NMNAT2: variants seen among roughly 807,000 people sequenced by gnomAD.
NMNAT2 encodes the protein nicotinamide/nicotinic acid mononucleotide adenylyltransferase 2.
A neutral mutation model predicts 41.6 loss-of-function variants in NMNAT2; 11 were observed. That is an observed-to-expected ratio of 0.26 (90% CI 0.17 to 0.44). NMNAT2 has a LOEUF of 0.44. NMNAT2 is among the 20% of genes least tolerant of loss of function. The pLI is 1.00. For missense variants in NMNAT2, 288 were observed against 407.7 expected, an observed-to-expected ratio of 0.71 and a Z score of 2.53; for synonymous variants, 148 against 151.2, an observed-to-expected ratio of 0.98 and a Z score of 0.16.
At chr1:183,317,235 A>G (rs535066629) in intron 1 of NMNAT2, among the ~76,000 whole-genome samples, 1 of 152,190 alleles carries the variant, frequency 6.6e-6, no homozygotes, top group South Asian at 2.1e-4. Flanking sequence ...ATCCCCCCGT[A>G]TTTCAGCCCA....
intron 1 of NMNAT2, among the ~76,000 whole-genome samples, chr1:183,356,277 A>C (rs1184249076): frequency 6.6e-6 from 1 of 152,150 alleles, no homozygotes; most frequent in Non-Finnish European, 1.5e-5. Flanking sequence ...GTAAACAGAC[A>C]CCTCGTTCAT....
At chr1:183,308,260 C>T (rs771305508) in intron 1 of NMNAT2, among the ~76,000 whole-genome samples, 6 of 152,162 alleles carry the variant, frequency 3.9e-5, no homozygotes, top group Non-Finnish European at 7.3e-5. Flanking sequence ...AAATAAGATA[C>T]CACTGTGTAT....
At chr1:183,390,916 T>G (rs1463176516) in intron 1 of NMNAT2, among the ~76,000 whole-genome samples, 1 of 152,146 alleles carries the variant, frequency 6.6e-6, no homozygotes, top group Admixed American at 6.5e-5. Flanking sequence ...CTGAAATCAT[T>G]TGGGGTGATG....
In NMNAT2 at chr1:183,252,591, G is replaced by C. The variant is rs909018794; in HGVS notation, c.*50C>G. On this transcript the variant is annotated 3_prime_UTR_variant, in exon 11 of 11. Transcript: ENST00000287713. ...AACAGAGAGGCAGGAGAGAAACAGGGGGCTGACAAAGATGGAGGGGCCATT... is the reference window on the plus strand; with the variant it reads ...AACAGAGAGGCAGGAGAGAAACAGGCGGCTGACAAAGATGGAGGGGCCATT... The C allele has an allele frequency of 2.4e-6, 3 of 1,243,106 alleles. No homozygotes were observed. In the Admixed American group the frequency reaches 5.0e-5, roughly 21 times the overall value. The allele number at this position is 1,243,106 out of a possible 1,614,324, so 77.0% of individuals were successfully genotyped here.
intron 1 of NMNAT2, among the ~76,000 whole-genome samples, chr1:183,319,428 A>G (rs1662316063): frequency 6.6e-6 from 1 of 152,256 alleles, no homozygotes; most frequent in Non-Finnish European, 1.5e-5. Context: ...CACTGTTTAG[A>G]AAACCCAAGA....
Position 183,252,439 on chromosome 1 carries a change from A to G in NMNAT2, c.*202T>C. The G allele has an allele frequency of 3.4e-5, 11 of 325,134 alleles. No homozygotes were observed. Among genetic ancestry groups the G allele is most frequent in the Middle Eastern group, 1.2e-3 (1 of 850 alleles). The allele number at this position is 325,134 out of a possible 1,614,324, so 20.1% of individuals were successfully genotyped here. ...ATTCCCTCACCCACCCCCAACCCGG[A>G]GACTAGAGGAAAGTCTGTCCAAAGA... On this transcript the variant is annotated 3_prime_UTR_variant, in exon 11 of 11. Coordinates refer to ENST00000287713, the MANE Select transcript of NMNAT2 (RefSeq NM_015039.4).
At chr1:183,356,477 T>C (rs1246292176) in intron 1 of NMNAT2, among the ~76,000 whole-genome samples, 1 of 152,240 alleles carries the variant, frequency 6.6e-6, no homozygotes, top group Non-Finnish European at 1.5e-5. Context: ...AGTTTGCATA[T>C]ACCTGCTAAA....
At chr1:183,290,926 A>AT (rs558346446) in intron 3 of NMNAT2, among the ~76,000 whole-genome samples, 4 of 151,320 alleles carry the variant, frequency 2.6e-5, no homozygotes, top group Admixed American at 6.6e-5. Flanking sequence ...CAACTTAATG[A>AT]TTTTTTTTTA....
intron 1 of NMNAT2, among the ~76,000 whole-genome samples, chr1:183,382,668 T>C (rs1663827753): frequency 6.6e-6 from 1 of 152,234 alleles, no homozygotes; most frequent in African/African-American, 2.4e-5. Context: ...ATAGGCCCCA[T>C]GCAAGTCTGA....
At chr1:183,415,475 T>C (rs1471663783) in intron 1 of NMNAT2, among the ~76,000 whole-genome samples, 1 of 152,182 alleles carries the variant, frequency 6.6e-6, no homozygotes, top group Non-Finnish European at 1.5e-5. Flanking sequence ...TTATGGTTCA[T>C]GAAAATAGAG....
chr1:183,397,466 G>A (rs1314724058), intron 1 of NMNAT2, among the ~76,000 whole-genome samples: 1 of 152,148 alleles, frequency 6.6e-6, no homozygotes, highest in Non-Finnish European at 1.5e-5. Flanking sequence ...TGGGGAGAAT[G>A]GAACCAAGTT....
intron 4 of NMNAT2, 47 bp from the exon 5 acceptor site, chr1:183,286,835 C>A (rs201010692): frequency 5.4e-5 from 85 of 1,575,824 alleles, no homozygotes; most frequent in Non-Finnish European, 6.9e-5. Context: ...CTTTGAGAAT[C>A]GTTTCAAAGT....
At chr1:183,275,676 A>ATTTTAT (rs11389422) in intron 8 of NMNAT2, among the ~76,000 whole-genome samples, 4 of 151,588 alleles carry the variant, frequency 2.6e-5, no homozygotes, top group South Asian at 2.1e-4. Context: ...TCCGTATTTT[A>ATTTTAT]TTTATTTTAT....
Position 183,353,441 on chromosome 1 carries a change from G to A in NMNAT2, c.86-59648C>T, listed in dbSNP as rs186598617. Reference sequence around the variant, plus strand: ...CAAATCAGAAAAGTTGGAAGGTTTTGAAATGCCCTAAAAGAGCTTTAAGCT... The same window carrying A: ...CAAATCAGAAAAGTTGGAAGGTTTTAAAATGCCCTAAAAGAGCTTTAAGCT... On this transcript the variant is annotated intron_variant, in intron 1 of 10. Coordinates refer to ENST00000287713, the MANE Select transcript of NMNAT2 (RefSeq NM_015039.4). Among the ~76,000 whole-genome samples, 59 of 152,298 alleles carry A rather than the reference G, an allele frequency of 3.9e-4. 2 individuals carry two copies. The East Asian group carries it at 0.011, about 27-fold the overall frequency.
Position 183,285,516 on chromosome 1 carries a change from G to GTAGC in NMNAT2, c.449-730_449-727dup, listed in dbSNP as rs151053523. On this transcript the variant is annotated intron_variant, in intron 5 of 10. Transcript: ENST00000287713. ...GAAAAATTTTCTGAGCCCCCCACAT[G>GTAGC]TAGCTGTATGCAAACTGTGAAATTC... Among the ~76,000 whole-genome samples, 590 of 152,318 alleles carry GTAGC rather than the reference G, an allele frequency of 3.9e-3. 4 individuals carry two copies. The highest frequency in any genetic ancestry group is 0.013 in the African/African-American group (549 of 41,570).
At chr1:183,344,817 G>C (rs990118954) in intron 1 of NMNAT2, among the ~76,000 whole-genome samples, 5 of 152,182 alleles carry the variant, frequency 3.3e-5, no homozygotes, top group African/African-American at 4.8e-5. Context: ...GAGACCAGAA[G>C]CTGAGAAAGG....
chr1:183,278,612 G>A lies in NMNAT2; in HGVS notation c.592C>T (p.Leu198=), dbSNP rs767106464. ...YEEIELRILL[L]CGSDLLESFC... Reference sequence around the variant, plus strand: ...GACTCCAGCAGGTCACTACCACACAGCAGCAGGATCCGTAGCTCTGAGGAA... The same window carrying A: ...GACTCCAGCAGGTCACTACCACACAACAGCAGGATCCGTAGCTCTGAGGAA... The change falls in exon 8 of 11, where the codon CTG becomes TTG. Residue 198 remains leucine, a synonymous_variant. Coordinates refer to ENST00000287713, the MANE Select transcript of NMNAT2 (RefSeq NM_015039.4). 6.2e-6 allele frequency: 10 copies of A among 1,613,708 alleles called. No homozygotes were observed. Among genetic ancestry groups the A allele is most frequent in the South Asian group, 4.4e-5 (4 of 91,074 alleles).
At chr1:183,332,990 G>C (rs1040715064) in intron 1 of NMNAT2, among the ~76,000 whole-genome samples, 10 of 152,158 alleles carry the variant, frequency 6.6e-5, no homozygotes, top group Non-Finnish European at 1.3e-4. Context: ...CTTATGGCTG[G>C]ACCAGGCCAT....
intron 1 of NMNAT2, among the ~76,000 whole-genome samples, chr1:183,369,115 G>A (rs1663474867): frequency 6.6e-6 from 1 of 152,206 alleles, no homozygotes; most frequent in Non-Finnish European, 1.5e-5. Context: ...TTCTCTGGAA[G>A]AGATGAAAGT....
Sources: gnomAD v4.1 joint callset for allele counts (sites outside exome capture counted in the v4.1 genomes callset) on GRCh38, gnomAD v4.1.1 for gene constraint, MANE v1.5 for transcripts, NCBI Gene and HGNC (gene_info 2026-07-23, HGNC 2026-07-21) for gene names.